The following RSPH10B variants were observed in gnomAD, a reference collection of about 807,000 sequenced individuals.
RSPH10B encodes the protein radial spoke head 10 homolog B.
RSPH10B carries 7 observed loss-of-function variants against 52.5 expected under a neutral mutation model. The ratio of observed to expected loss-of-function variants is 0.13; its 90% confidence interval spans 0.08 to 0.25. The LOEUF (loss-of-function observed/expected upper bound fraction) is 0.25, where lower values mean the gene tolerates loss of function less well. RSPH10B is among the 10% of genes least tolerant of loss of function. The pLI is 1.00. For missense variants in RSPH10B, 89 were observed against 542.5 expected, an observed-to-expected ratio of 0.16 and a Z score of 8.30; for synonymous variants, 28 against 193.2, an observed-to-expected ratio of 0.14 and a Z score of 7.09.
intron 17 of RSPH10B, among the ~76,000 whole-genome samples, chr7:5,928,885 CA>C (rs1779671566): frequency 6.7e-6 from 1 of 148,924 alleles, no homozygotes; most frequent in Non-Finnish European, 1.5e-5. Flanking sequence ...CTCGGCCTCC[CA>C]AAGTGCTGGG....
At chr7:5,927,265 A>AT in intron 18 of RSPH10B, among the ~76,000 whole-genome samples, 1 of 97,526 alleles carries the variant, frequency 1.0e-5, no homozygotes, top group Non-Finnish European at 2.1e-5. Flanking sequence ...AAATTTTTGT[A>AT]TTTTTTGTAG....
intron 17 of RSPH10B, 108 bp from the exon 20 acceptor site, chr7:5,928,502 C>G (rs1216358212): frequency 2.0e-6 from 3 of 1,525,460 alleles, no homozygotes; most frequent in Non-Finnish European, 2.7e-6. Flanking sequence ...CCCTTCTCCT[C>G]GGCCAGGAGA....
chr7:5,941,742 A>T (rs1176617964), intron 13 of RSPH10B, among the ~76,000 whole-genome samples: 2 of 128,962 alleles, frequency 1.6e-5, no homozygotes, highest in Non-Finnish European at 3.5e-5. Context: ...GACTTTGTCT[A>T]AAAAAAAAAA....
intron 14 of RSPH10B, among the ~76,000 whole-genome samples, chr7:5,938,461 T>C (rs1257218951): frequency 4.2e-5 from 4 of 96,218 alleles, no homozygotes; most frequent in African/African-American, 1.1e-4. Context: ...GCCTGTAGTC[T>C]CAGCTACTCG....
intron 13 of RSPH10B, among the ~76,000 whole-genome samples, chr7:5,942,927 T>TA (rs1491309798): frequency 0.05 from 1,352 of 26,894 alleles, 16 homozygotes; most frequent in South Asian, 0.27. Context: ...TATATATATA[T>TA]TTTTTTTTAA....
upstream of RSPH10B, among the ~76,000 whole-genome samples, chr7:5,968,607 T>C (rs1201753478): frequency 3.5e-4 from 24 of 69,534 alleles, 3 homozygotes; most frequent in South Asian, 6.0e-4. Context: ...CCCGGGTTCA[T>C]GCCATTCTCC....
chr7:5,942,624 G>C (rs954541270), intron 13 of RSPH10B, among the ~76,000 whole-genome samples: 14 of 147,984 alleles, frequency 9.5e-5, no homozygotes, highest in African/African-American at 3.5e-4. Context: ...CACTTAGGGA[G>C]GCTGAGGCGG....
chr7:5,968,664 A>G (rs1341079499), upstream of RSPH10B, among the ~76,000 whole-genome samples: 56 of 66,486 alleles, frequency 8.4e-4, 4 homozygotes, highest in African/African-American at 2.4e-3. Context: ...CCACCACCAC[A>G]CCTGGCTAAT....
intron 18 of RSPH10B, among the ~76,000 whole-genome samples, chr7:5,927,049 TATGTGTG>T (rs1343907400): frequency 7.1e-5 from 4 of 55,982 alleles, no homozygotes; most frequent in Non-Finnish European, 1.3e-4. Flanking sequence ...GTGTGTGTAT[TATGTGTG>T]TGTGTGTGTG....
intron 10 of RSPH10B, among the ~76,000 whole-genome samples, chr7:5,947,916 G>T (rs1316292505): frequency 1.1e-5 from 1 of 91,174 alleles, no homozygotes; most frequent in Non-Finnish European, 2.4e-5. Flanking sequence ...CTGTCACCCA[G>T]GCTGGAGTGC....
intron 18 of RSPH10B, among the ~76,000 whole-genome samples, chr7:5,927,105 T>A (rs1489851788): frequency 2.0e-5 from 3 of 146,984 alleles, no homozygotes; most frequent in Non-Finnish European, 4.5e-5. Flanking sequence ...TGTATTTTTT[T>A]TTTTGAGATA....
intron 13 of RSPH10B, among the ~76,000 whole-genome samples, chr7:5,941,879 C>A (rs1472805668): frequency 6.8e-6 from 1 of 147,790 alleles, no homozygotes; most frequent in Admixed American, 6.9e-5. Flanking sequence ...TAAATGATAT[C>A]CATCCTCCCC....
At chr7:5,950,404 C>G (rs1297443018) in intron 9 of RSPH10B, among the ~76,000 whole-genome samples, 1 of 149,794 alleles carries the variant, frequency 6.7e-6, no homozygotes, top group African/African-American at 2.4e-5. Flanking sequence ...AACTCCATCT[C>G]TACTAAAAAT....
At chr7:5,931,828 C>A (rs1353047968) in intron 17 of RSPH10B, among the ~76,000 whole-genome samples, 1 of 151,104 alleles carries the variant, frequency 6.6e-6, no homozygotes, top group Non-Finnish European at 1.5e-5. Context: ...TCATGAAACC[C>A]CATCTACTAA....
intron 16 of RSPH10B, 140 bp from the exon 19 acceptor site, chr7:5,933,015 C>CTTTTTTT: frequency 3.7e-5 from 1 of 27,306 alleles, no homozygotes; most frequent in Non-Finnish European, 6.8e-5. Context: ...TTTAATTTGA[C>CTTTTTTT]TTTTTTTTTT....
At chr7:5,933,526 G>A (rs369259344) in intron 16 of RSPH10B, among the ~76,000 whole-genome samples, 3 of 140,652 alleles carry the variant, frequency 2.1e-5, no homozygotes, top group Non-Finnish European at 3.2e-5. Flanking sequence ...TTGGGAGGCC[G>A]AGACAGGTGG....
At chr7:5,964,346 CCATGCAGT>C (rs1367908484) in intron 3 of RSPH10B, among the ~76,000 whole-genome samples, 148 bp downstream of exon 5, 2 of 146,004 alleles carry the variant, frequency 1.4e-5, no homozygotes, top group Admixed American at 1.4e-4. Context: ...CTGGCGGGTC[CCATGCAGT>C]CATGAGTTAC....
At chr7:5,957,008 T>TA (rs546021012) in intron 6 of RSPH10B, among the ~76,000 whole-genome samples, 3,125 of 20,914 alleles carry the variant, frequency 0.15, 76 homozygotes, top group East Asian at 0.45. Context: ...ACCTCGTTTC[T>TA]AAAAAAAAAA....
chr7:5,960,430 A>G lies in RSPH10B; in HGVS notation c.573+261T>C, dbSNP rs1780882992. Among the ~76,000 whole-genome samples, 3 of 70,462 alleles carry G rather than the reference A, an allele frequency of 4.3e-5. 1 individual carries two copies. The highest frequency in any genetic ancestry group is 4.0e-4 in the Admixed American group (2 of 5,036). The allele number at this position is 70,462 out of a possible 152,430, so 46.2% of individuals were successfully genotyped here. A position where few individuals can be genotyped will look rare whatever the true frequency, so the allele number is the denominator to read the frequency against. On this transcript the variant is annotated intron_variant, in intron 4 of 18. Coordinates refer to ENST00000337579, the Ensembl canonical transcript of RSPH10B. ...TCCATCTCAAAAAAAAAAAAAATTA[A>G]TAAAATGGTTAATTTATGTGATGTG...
Sources: gnomAD v4.1 joint callset for allele counts (sites outside exome capture counted in the v4.1 genomes callset) on GRCh38, gnomAD v4.1.1 for gene constraint, MANE v1.5 for transcripts, NCBI Gene and HGNC (gene_info 2026-07-23, HGNC 2026-07-21) for gene names.